EIF2AK4: variants seen among roughly 807,000 people sequenced by gnomAD.
EIF2AK4 encodes the protein eIF-2-alpha kinase GCN2.
In EIF2AK4, 139 loss-of-function variants were observed where a neutral mutation model predicts 211.1. The observed-to-expected ratio is 0.66, with a 90% CI of 0.57 to 0.76. The LOEUF is 0.76. EIF2AK4 is among the 30% of genes least tolerant of loss of function. The pLI, the probability that EIF2AK4 is intolerant of heterozygous loss-of-function variation, is 0.00. For synonymous variants in EIF2AK4, 710 were observed against 751.3 expected (o/e 0.94, Z 0.90); for missense variants, 1,664 against 2,043.8 (o/e 0.81, Z 3.58).
chr15:39,998,666 G>T, intron 19 of EIF2AK4, 65 bp from the exon 20 acceptor site: 1 of 1,255,562 alleles, frequency 8.0e-7, no homozygotes, highest in South Asian at 1.3e-5. Flanking sequence ...TCTTACTTAT[G>T]GTGAATAAAT....
intron 37 of EIF2AK4, among the ~76,000 whole-genome samples, chr15:40,033,859 T>C (rs1367301381): frequency 1.3e-5 from 2 of 151,970 alleles, no homozygotes; most frequent in East Asian, 3.9e-4. Context: ...AAACCCCATC[T>C]CTACTAAAAA....
intron 15 of EIF2AK4, among the ~76,000 whole-genome samples, 157 bp from the exon 16 acceptor site, chr15:39,990,116 C>T (rs2034921978): frequency 6.6e-6 from 1 of 152,188 alleles, no homozygotes; most frequent in Non-Finnish European, 1.5e-5. Flanking sequence ...ATAGGACAGT[C>T]AGGACATATT....
intron 18 of EIF2AK4, among the ~76,000 whole-genome samples, chr15:39,994,695 C>T (rs2034995944): frequency 6.6e-6 from 1 of 152,088 alleles, no homozygotes; most frequent in African/African-American, 2.4e-5. Context: ...GAGATTCAAG[C>T]CTGGGTTTTG....
Position 39,943,505 on chromosome 15 carries a change from A to G in EIF2AK4, c.360+20A>G. 6.4e-7 allele frequency: 1 copy of G among 1,569,580 alleles called. No homozygotes were observed. Among genetic ancestry groups the G allele is most frequent in the Non-Finnish European group, 8.6e-7 (1 of 1,161,888 alleles). On this transcript the variant is annotated intron_variant, in intron 3 of 38. Transcript: ENST00000263791. ...GGGGAGGTAAGATTTGTTAAACTGG[A>G]ATTAAAAGAAGACAGTAAACTTCCC...
At chr15:39,947,885 A>G (rs903587174) in intron 3 of EIF2AK4, among the ~76,000 whole-genome samples, 2 of 152,240 alleles carry the variant, frequency 1.3e-5, no homozygotes, top group African/African-American at 2.4e-5. Flanking sequence ...AGAAAACTCT[A>G]GTAAAGTAAA....
chr15:39,978,103 A>T lies in EIF2AK4; in HGVS notation c.2275A>T (p.Ile759Phe). ...GCCTGCTTCAGATTCTGAAAGTGAT[A>T]TTATCTTTGACAATGAAGATGAGAA... ...FLPASDSESDIIFDNEDENSK... is the reference protein window; with the variant it reads ...FLPASDSESDFIFDNEDENSK... Residue 759 changes from isoleucine (I) to phenylalanine (F), a missense_variant, in exon 13 of 39, where the codon ATT (isoleucine) becomes TTT (phenylalanine). Physicochemically the swap from Ile to Phe is conservative, Grantham distance 21. Coordinates refer to ENST00000263791, the MANE Select transcript of EIF2AK4 (RefSeq NM_001013703.4). 1 of 1,596,054 alleles carries T rather than the reference A, an allele frequency of 6.3e-7. No homozygotes were observed. The highest frequency in any genetic ancestry group is 8.6e-7 in the Non-Finnish European group (1 of 1,168,088).
chr15:40,011,351 G>A lies in EIF2AK4; in HGVS notation c.3759+5G>A. On this transcript the variant is annotated splice_donor_5th_base_variant and intron_variant, in intron 27 of 38. Coordinates refer to ENST00000263791, the MANE Select transcript of EIF2AK4 (RefSeq NM_001013703.4). ...CTGTCTTTGTCTTCTAATAGTGTAA[G>A]TACCTTCTAATGGTATTATTACAGC... 1 of 1,606,300 alleles carries A rather than the reference G, an allele frequency of 6.2e-7. No individual in the cohort carries two copies. Among genetic ancestry groups the A allele is most frequent in the Non-Finnish European group, 8.5e-7 (1 of 1,174,094 alleles).
chr15:39,998,904 G>A, intron 20 of EIF2AK4, 120 bp downstream of exon 20: 2 of 787,586 alleles, frequency 2.5e-6, no homozygotes, highest in South Asian at 4.0e-5. Flanking sequence ...AACAACGTGG[G>A]GAAAAAATAT....
intron 23 of EIF2AK4, among the ~76,000 whole-genome samples, chr15:40,006,574 A>G (rs2035164781): frequency 1.3e-5 from 2 of 152,234 alleles, no homozygotes; most frequent in Non-Finnish European, 2.9e-5. Context: ...GTGTTTATTA[A>G]GAATTTATTC....
intron 32 of EIF2AK4, among the ~76,000 whole-genome samples, chr15:40,025,016 T>G (rs1377559966): frequency 6.6e-6 from 1 of 152,148 alleles, no homozygotes; most frequent in Non-Finnish European, 1.5e-5. Flanking sequence ...GAGATTTACA[T>G]AAGAGGCAGC....
chr15:40,002,004 C>T (rs926111481), intron 21 of EIF2AK4, among the ~76,000 whole-genome samples: 3 of 152,042 alleles, frequency 2.0e-5, no homozygotes, highest in Admixed American at 6.6e-5. Context: ...GAGTAGGTAA[C>T]AGGTATTTGT....
intron 13 of EIF2AK4, 36 bp downstream of exon 13, chr15:39,978,183 G>C: frequency 8.0e-7 from 1 of 1,252,422 alleles, no homozygotes; most frequent in East Asian, 2.4e-5. Context: ...CATTTTATTC[G>C]TGATATAATT....
intron 6 of EIF2AK4, among the ~76,000 whole-genome samples, chr15:39,960,134 A>T (rs902965695): frequency 7.4e-4 from 111 of 150,016 alleles, no homozygotes; most frequent in African/African-American, 2.6e-3. Flanking sequence ...ACTGCACTCC[A>T]GCCTGGGCGA....
chr15:39,981,354 G>T (rs549659017), intron 13 of EIF2AK4, among the ~76,000 whole-genome samples: 2 of 151,630 alleles, frequency 1.3e-5, no homozygotes, highest in Admixed American at 1.3e-4. Flanking sequence ...TGGGTGACAA[G>T]AGCGAAACTC....
chr15:39,974,515 G>A (rs1264517114), intron 11 of EIF2AK4: 1 of 152,058 alleles, frequency 6.6e-6, no homozygotes, highest in Non-Finnish European at 1.5e-5. Context: ...CACTAAAAAA[G>A]GAATTAAATT....
In EIF2AK4 at chr15:39,952,934, A is replaced by G. The variant is rs150818623; in HGVS notation, c.514-970A>G. Reference sequence around the variant, plus strand: ...ATGATACTGGCTTACTACAACCTCCATTTCTCAGGTTCAAGCAATTCTCCT... The same window carrying G: ...ATGATACTGGCTTACTACAACCTCCGTTTCTCAGGTTCAAGCAATTCTCCT... On this transcript the variant is annotated intron_variant, in intron 4 of 38. Coordinates refer to ENST00000263791, the MANE Select transcript of EIF2AK4 (RefSeq NM_001013703.4). 3.7e-3 allele frequency among the ~76,000 whole-genome samples: 562 copies of G among 152,170 alleles called. 4 individuals are homozygous for G. The Middle Eastern group carries it at 0.051, about 14-fold the overall frequency.
At chr15:39,949,597 A>G (rs2034278874) in intron 4 of EIF2AK4, among the ~76,000 whole-genome samples, 1 of 152,222 alleles carries the variant, frequency 6.6e-6, no homozygotes, top group Non-Finnish European at 1.5e-5. Context: ...TTCCCTGTGC[A>G]AGACTAGTAT....
intron 20 of EIF2AK4, among the ~76,000 whole-genome samples, chr15:39,999,778 A>G (rs1386793741): frequency 6.6e-6 from 1 of 152,100 alleles, no homozygotes; most frequent in Non-Finnish European, 1.5e-5. Flanking sequence ...GGTAGCTATT[A>G]TTGTTTCTGG....
chr15:40,006,851 G>T (rs1229176675), intron 23 of EIF2AK4, among the ~76,000 whole-genome samples, 165 bp from the exon 24 acceptor site: 2 of 152,200 alleles, frequency 1.3e-5, no homozygotes, highest in Non-Finnish European at 2.9e-5. Context: ...ATTTCAGGGA[G>T]TGTGAGTGGT....
Sources: allele counts gnomAD v4.1 joint callset (sites outside exome capture counted in the v4.1 genomes callset), GRCh38; gene constraint gnomAD v4.1.1; transcripts MANE v1.5; gene names NCBI Gene and HGNC (gene_info 2026-07-23, HGNC 2026-07-21).